Variants in MCUB observed in about 807,000 individuals in gnomAD.
MCUB encodes the protein mitochondrial calcium uniporter dominant negative subunit beta, also known as calcium uniporter regulatory subunit MCUb, mitochondrial.
In MCUB, 46 loss-of-function variants were observed where a neutral mutation model predicts 41.4. The observed-to-expected ratio is 1.11, with a 90% CI of 0.88 to 1.42. The LOEUF (loss-of-function observed/expected upper bound fraction) is 1.42. MCUB is among the 40% of genes most tolerant of loss of function. The pLI is 0.00. For missense variants in MCUB, 403 were observed against 404.9 expected, an observed-to-expected ratio of 1.00 and a Z score of 0.04; for synonymous variants, 148 against 148.2, an observed-to-expected ratio of 1.00 and a Z score of 0.01.
At chr4:109,585,816 C>A (rs192528353) in intron 1 of MCUB, among the ~76,000 whole-genome samples, 10 of 152,176 alleles carry the variant, frequency 6.6e-5, no homozygotes, top group Non-Finnish European at 1.5e-4. Context: ...GCCGAGAGAT[C>A]GGCTGTTAGT....
At chr4:109,568,292 G>A (rs1451600669) in intron 1 of MCUB, among the ~76,000 whole-genome samples, 1 of 152,116 alleles carries the variant, frequency 6.6e-6, no homozygotes, top group African/African-American at 2.4e-5. Flanking sequence ...CCTTTTATGG[G>A]TTTGTTATTA....
At chr4:109,564,527 T>C (rs1726727026) in intron 1 of MCUB, among the ~76,000 whole-genome samples, 1 of 152,232 alleles carries the variant, frequency 6.6e-6, no homozygotes. Flanking sequence ...AAAAAAATTA[T>C]CTTCAATAGA....
chr4:109,566,696 A>C lies in MCUB; in HGVS notation c.99+6260A>C, dbSNP rs1353977094. ...AGGACTTTTAAGACCAATTAGACGA[A>C]TCTCCTTGTTTTGAGAAGGGGACAA... On this transcript the variant is annotated intron_variant, in intron 1 of 7. Transcript: ENST00000394650. Among the ~76,000 whole-genome samples the C allele has an allele frequency of 2.0e-5, 3 of 152,258 alleles. No individual in the cohort carries two copies. The East Asian group carries it at 5.8e-4, about 29-fold the overall frequency.
At chr4:109,627,035 A>G (rs570970126) in intron 1 of MCUB, among the ~76,000 whole-genome samples, 1 of 152,314 alleles carries the variant, frequency 6.6e-6, no homozygotes, top group African/African-American at 2.4e-5. Flanking sequence ...ATAGGCATTA[A>G]TATGTTAAAA....
chr4:109,589,096 G>A (rs1032793183), intron 1 of MCUB, among the ~76,000 whole-genome samples: 2 of 152,154 alleles, frequency 1.3e-5, no homozygotes, highest in African/African-American at 4.8e-5. Flanking sequence ...TAACTATGTT[G>A]GCATCCTTCT....
At chr4:109,638,908 C>T (rs1006630906) in intron 1 of MCUB, among the ~76,000 whole-genome samples, 6 of 152,146 alleles carry the variant, frequency 3.9e-5, no homozygotes, top group African/African-American at 1.4e-4. Context: ...CAATTCAGTC[C>T]CATCTTTAGG....
At chr4:109,608,561 C>T (rs1372709654) in intron 1 of MCUB, among the ~76,000 whole-genome samples, 1 of 152,034 alleles carries the variant, frequency 6.6e-6, no homozygotes, top group Non-Finnish European at 1.5e-5. Context: ...AGTCATGGCT[C>T]ACTGCAGCCA....
chr4:109,618,990 A>T (rs1409265672), intron 1 of MCUB, among the ~76,000 whole-genome samples: 3 of 94,034 alleles, frequency 3.2e-5, no homozygotes, highest in African/African-American at 4.7e-5. Context: ...CTCTCTCTCT[A>T]CCTACCAACC....
At chr4:109,627,498 A>G (rs1239384118) in intron 1 of MCUB, among the ~76,000 whole-genome samples, 2 of 152,160 alleles carry the variant, frequency 1.3e-5, no homozygotes, top group African/African-American at 4.8e-5. Context: ...CAACTGTCAC[A>G]TTATCTTGTA....
intron 5 of MCUB, among the ~76,000 whole-genome samples, chr4:109,684,065 CTTTT>C (rs71595507): frequency 1.4e-5 from 2 of 140,012 alleles, no homozygotes. Context: ...TTCCTCTTTT[CTTTT>C]TTTTTTTTTT....
At chr4:109,653,381 G>GAA (rs553404252) in intron 1 of MCUB, among the ~76,000 whole-genome samples, 5 of 133,208 alleles carry the variant, frequency 3.8e-5, no homozygotes, top group South Asian at 2.3e-4. Flanking sequence ...CCCGTCTTAA[G>GAA]AAAAAAAAAA....
chr4:109,636,937 A>G (rs190897125), intron 1 of MCUB, among the ~76,000 whole-genome samples: 2 of 152,374 alleles, frequency 1.3e-5, no homozygotes, highest in Admixed American at 1.3e-4. Flanking sequence ...TCTAGAGACC[A>G]GTAGTCCAGT....
chr4:109,682,517 A>C (rs950175350), intron 4 of MCUB, 65 bp from the exon 5 acceptor site: 19 of 1,369,580 alleles, frequency 1.4e-5, no homozygotes, highest in Non-Finnish European at 1.9e-5. Flanking sequence ...TTGGGGACCG[A>C]AAGATTTACA....
At chr4:109,577,500 A>G (rs1727058292) in intron 1 of MCUB, among the ~76,000 whole-genome samples, 1 of 152,124 alleles carries the variant, frequency 6.6e-6, no homozygotes, top group African/African-American at 2.4e-5. Context: ...TAAAGCAACT[A>G]AGGCTCAGAC....
chr4:109,609,805 A>G (rs11098036), intron 1 of MCUB, among the ~76,000 whole-genome samples: 108,700 of 152,006 alleles, frequency 0.72, 39,227 homozygotes, highest in African/African-American at 0.8. Context: ...AAGACCTTAG[A>G]ACTCTACAAT....
rs940195292 is a variant in MCUB at position 109,688,178 on chromosome 4, C to T, written c.*586C>T. 1.3e-5 allele frequency: 2 copies of T among 152,222 alleles called. No homozygotes were observed. Among genetic ancestry groups the T allele is most frequent in the African/African-American group, 4.8e-5 (2 of 41,454 alleles). The allele number at this position is 152,222 out of a possible 1,614,324, so 9.4% of individuals were successfully genotyped here. A position where few individuals can be genotyped will look rare whatever the true frequency, so the allele number is the denominator to read the frequency against. On this transcript the variant is annotated 3_prime_UTR_variant, in exon 8 of 8. Transcript: ENST00000394650. Reference sequence around the variant, plus strand: ...AACGATTGCTTTTGAACCTGCAAATCACAAGTTTCAGGTATCGAAGCCAAA... The same window carrying T: ...AACGATTGCTTTTGAACCTGCAAATTACAAGTTTCAGGTATCGAAGCCAAA...
chr4:109,614,519 G>A (rs924837025), intron 1 of MCUB, among the ~76,000 whole-genome samples: 1 of 151,612 alleles, frequency 6.6e-6, no homozygotes, highest in Non-Finnish European at 1.5e-5. Flanking sequence ...CAACTCGGAA[G>A]ATGACCCACA....
chr4:109,578,416 G>A (rs969063289), intron 1 of MCUB, among the ~76,000 whole-genome samples: 77 of 152,140 alleles, frequency 5.1e-4, no homozygotes, highest in African/African-American at 1.8e-3. Context: ...GGCCCAGAAA[G>A]GTTAAGTAAA....
intron 1 of MCUB, among the ~76,000 whole-genome samples, chr4:109,622,915 C>A (rs954568010): frequency 2.0e-5 from 3 of 152,206 alleles, no homozygotes; most frequent in Non-Finnish European, 4.4e-5. Flanking sequence ...GGTCAACAAC[C>A]AATACTCTGC....
Sources: allele counts gnomAD v4.1 joint callset (sites outside exome capture counted in the v4.1 genomes callset), GRCh38; gene constraint gnomAD v4.1.1; transcripts MANE v1.5; gene names NCBI Gene and HGNC (gene_info 2026-07-23, HGNC 2026-07-21).